The following RAPGEF6 variants were observed in gnomAD, a reference collection of about 807,000 sequenced individuals.
RAPGEF6 encodes PDZ domain containing guanine nucleotide exchange factor (GEF) 2.
Under a neutral mutation model 171.4 loss-of-function variants are expected in RAPGEF6, and 56 were observed. The ratio of observed to expected loss-of-function variants is 0.33; its 90% CI spans 0.26 to 0.41. RAPGEF6 has a LOEUF of 0.41. Among genes scored for constraint, RAPGEF6 ranks in the 10% least tolerant of loss-of-function variants. The pLI is 1.00. For synonymous variants in RAPGEF6, 692 were observed against 650.1 expected (o/e 1.06, Z -0.98); for missense variants, 1,674 against 1,921.4 (o/e 0.87, Z 2.41).
At chr5:131,570,616 A>C (rs977004450) in intron 4 of RAPGEF6, among the ~76,000 whole-genome samples, 1 of 152,250 alleles carries the variant, frequency 6.6e-6, no homozygotes, top group African/African-American at 2.4e-5. Flanking sequence ...AAAAATGGAC[A>C]TGCTAGAATT....
chr5:131,446,647 T>G lies in RAPGEF6; in HGVS notation c.3257A>C (p.His1086Pro). 1.2e-6 allele frequency: 2 copies of G among 1,614,224 alleles called. No homozygotes were observed. The highest frequency in any genetic ancestry group is 1.7e-6 in the Non-Finnish European group (2 of 1,180,018). ...SNMLDVQGGA[H>P]KKRARRSSLL... The stretch of plus-strand genomic sequence containing the variant: ...AGAGCTGCGGCGTGCCCTTTTTTTG[T>G]GAGCACCTCCCTGAACATCCAGCAT... The change falls in exon 22 of 28, where the codon CAC becomes CCC. Residue 1086 changes from histidine to proline, a missense_variant. Physicochemically the swap from His to Pro is moderately conservative, Grantham distance 77 (BLOSUM62 -2). This residue lies in a region of RAPGEF6 where 1,116 missense variants were observed against 1,321.5 expected (regional missense o/e 0.84). Coordinates refer to ENST00000509018, the MANE Select transcript of RAPGEF6 (RefSeq NM_016340.6).
intron 19 of RAPGEF6, among the ~76,000 whole-genome samples, chr5:131,460,544 T>G (rs1753849056): frequency 6.6e-6 from 1 of 152,224 alleles, no homozygotes; most frequent in Non-Finnish European, 1.5e-5. Flanking sequence ...TTCCAAGTGT[T>G]TATCAGTGGC....
chr5:131,446,442 T>C, intron 22 of RAPGEF6, 41 bp downstream of exon 22: 1 of 1,525,974 alleles, frequency 6.6e-7, no homozygotes, highest in Non-Finnish European at 8.9e-7. Flanking sequence ...TTTTATTTTG[T>C]TGTGCTCTTT....
At chr5:131,534,669 T>A (rs2149930282) in intron 6 of RAPGEF6, among the ~76,000 whole-genome samples, 1 of 151,728 alleles carries the variant, frequency 6.6e-6, no homozygotes, top group East Asian at 1.9e-4. Flanking sequence ...ACTTGATACT[T>A]AATATTGTAC....
chr5:131,530,256 G>A (rs1032968925), intron 6 of RAPGEF6, among the ~76,000 whole-genome samples: 10 of 151,486 alleles, frequency 6.6e-5, no homozygotes, highest in African/African-American at 2.4e-4. Context: ...GAGGCCAGAA[G>A]ACAGTGTAGT....
intron 4 of RAPGEF6, among the ~76,000 whole-genome samples, chr5:131,584,408 C>G (rs1433399196): frequency 1.3e-5 from 2 of 152,150 alleles, no homozygotes; most frequent in East Asian, 3.8e-4. Context: ...CTAAACTGCC[C>G]TCAATCATTC....
At chr5:131,587,467 T>C (rs1259908895) in intron 4 of RAPGEF6, among the ~76,000 whole-genome samples, 1 of 152,176 alleles carries the variant, frequency 6.6e-6, no homozygotes, top group Non-Finnish European at 1.5e-5. Flanking sequence ...AATGTTCAAT[T>C]TCTTGATATG....
intron 6 of RAPGEF6, among the ~76,000 whole-genome samples, chr5:131,527,362 A>G (rs919892774): frequency 2.0e-5 from 3 of 152,212 alleles, no homozygotes; most frequent in Non-Finnish European, 4.4e-5. Context: ...AATAAAAACT[A>G]AAACAAATAC....
At chr5:131,461,027 G>C (rs1753892960) in intron 19 of RAPGEF6, among the ~76,000 whole-genome samples, 1 of 152,112 alleles carries the variant, frequency 6.6e-6, no homozygotes. Flanking sequence ...TCCCTTTGTT[G>C]ATCTACAGTG....
intron 1 of RAPGEF6, among the ~76,000 whole-genome samples, chr5:131,633,252 C>T (rs1380919186): frequency 6.6e-6 from 1 of 151,824 alleles, no homozygotes; most frequent in Non-Finnish European, 1.5e-5. Flanking sequence ...CTACTTGAAC[C>T]GGGACCCAGG....
In RAPGEF6 at chr5:131,425,873, T is replaced by C. The variant is rs972177761; in HGVS notation, c.*1393A>G. ...TCCAAGTTGATCTGGGTAGTGCACG[T>C]TAATGGCTTTGGCTTTTTTTTTTTT... On this transcript the variant is annotated 3_prime_UTR_variant, in exon 28 of 28. Coordinates refer to ENST00000509018, the MANE Select transcript of RAPGEF6 (RefSeq NM_016340.6). 4 of 146,180 alleles carry C rather than the reference T, an allele frequency of 2.7e-5. No homozygotes were observed. Among genetic ancestry groups the C allele is most frequent in the Non-Finnish European group, 6.0e-5 (4 of 67,204 alleles). The allele number at this position is 146,180 out of a possible 1,614,324, so 9.1% of individuals were successfully genotyped here.
intron 12 of RAPGEF6, among the ~76,000 whole-genome samples, chr5:131,496,438 A>G (rs77762705): frequency 0.044 from 6,645 of 152,244 alleles, 160 homozygotes; most frequent in East Asian, 0.11. Context: ...TGTAACCATC[A>G]CCACTGTCTA....
intron 3 of RAPGEF6, among the ~76,000 whole-genome samples, chr5:131,600,248 G>A (rs541253096): frequency 2.6e-5 from 4 of 152,260 alleles, no homozygotes; most frequent in South Asian, 2.1e-4. Context: ...GAGGCTGGGC[G>A]CAGTGGCTCA....
chr5:131,444,432 ATAAGTT>A, intron 22 of RAPGEF6, among the ~76,000 whole-genome samples: 1 of 152,356 alleles, frequency 6.6e-6, no homozygotes, highest in South Asian at 2.1e-4. Context: ...TACTTCAAAA[ATAAGTT>A]TACAGATGAA....
chr5:131,596,846 C>T (rs957024425), intron 3 of RAPGEF6, among the ~76,000 whole-genome samples: 4 of 152,134 alleles, frequency 2.6e-5, no homozygotes, highest in African/African-American at 7.2e-5. Flanking sequence ...ATTTTTAAAG[C>T]GAAGACCTCA....
At chr5:131,629,379 A>G (rs1766149788) in intron 1 of RAPGEF6, among the ~76,000 whole-genome samples, 1 of 152,174 alleles carries the variant, frequency 6.6e-6, no homozygotes, top group South Asian at 2.1e-4. Flanking sequence ...GGAGTTTGAA[A>G]GAGGTTGAAT....
chr5:131,561,981 A>T lies in RAPGEF6; in HGVS notation c.348T>A (p.Ile116=). ...CAGCATTCTTTAAAGTTCTTACCACAATCATTTCTGAAGGCTCTAATACAA... is the reference window on the plus strand; with the variant it reads ...CAGCATTCTTTAAAGTTCTTACCACTATCATTTCTGAAGGCTCTAATACAA... ...DCLVLEPSEM[I]VVENAKDNED... The change falls in exon 5 of 28, where the codon ATT becomes ATA. Residue 116 remains isoleucine, a synonymous_variant. Transcript: ENST00000509018. 2.5e-6 allele frequency: 4 copies of T among 1,590,096 alleles called. No individual in the cohort carries two copies. The highest frequency in any genetic ancestry group is 3.4e-6 in the Non-Finnish European group (4 of 1,165,208).
intron 7 of RAPGEF6, chr5:131,511,303 T>A (rs1757704710): frequency 6.6e-6 from 1 of 152,064 alleles, no homozygotes; most frequent in Non-Finnish European, 1.5e-5. Flanking sequence ...TTGAGTCATC[T>A]TGTTAATGAA....
chr5:131,633,714 G>A (rs6869375), intron 1 of RAPGEF6, among the ~76,000 whole-genome samples: 11 of 152,190 alleles, frequency 7.2e-5, no homozygotes, highest in Non-Finnish European at 1.3e-4. Context: ...CTGGGTGACA[G>A]AGTGAGACTG....
Sources: allele counts gnomAD v4.1 joint callset (sites outside exome capture counted in the v4.1 genomes callset), GRCh38; gene constraint gnomAD v4.1.1; regional missense constraint gnomAD v4.1.1; transcripts MANE v1.5; gene names NCBI Gene and HGNC (gene_info 2026-07-23, HGNC 2026-07-21).